The following NBEA variants were observed in gnomAD, a reference collection of about 807,000 sequenced individuals.
NBEA encodes the protein lysosomal-trafficking regulator 2.
Under a neutral mutation model 343.4 loss-of-function variants are expected in NBEA, and 44 were observed. That is an observed-to-expected ratio of 0.13 (90% CI 0.10 to 0.16). The LOEUF (loss-of-function observed/expected upper bound fraction) is 0.16. NBEA is among the 10% of genes least tolerant of loss of function. The pLI, the probability that NBEA is intolerant of heterozygous loss-of-function variation, is 1.00. For missense variants in NBEA, 2,555 were observed against 3,631.3 expected, an observed-to-expected ratio of 0.70 and a Z score of 7.62; for synonymous variants, 1,175 against 1,238.7, an observed-to-expected ratio of 0.95 and a Z score of 1.08.
At chr13:35,385,409 T>A (rs2042199075) in intron 38 of NBEA, among the ~76,000 whole-genome samples, 1 of 152,188 alleles carries the variant, frequency 6.6e-6, no homozygotes, top group African/African-American at 2.4e-5. Context: ...TTATTTAACA[T>A]ACTAGTTGGG....
chr13:35,186,505 A>G (rs1463146941), intron 30 of NBEA: 1 of 152,194 alleles, frequency 6.6e-6, no homozygotes, highest in Non-Finnish European at 1.5e-5. Context: ...TATTTTAACT[A>G]TACAAAATGT....
intron 38 of NBEA, among the ~76,000 whole-genome samples, chr13:35,404,831 A>G (rs972482395): frequency 3.3e-5 from 5 of 152,114 alleles, no homozygotes; most frequent in East Asian, 1.9e-4. Flanking sequence ...AGAGAGAGGA[A>G]TGTCATGTGA....
intron 1 of NBEA, among the ~76,000 whole-genome samples, chr13:34,996,896 C>CAGG (rs1264350316): frequency 6.6e-6 from 1 of 152,056 alleles, no homozygotes; most frequent in Non-Finnish European, 1.5e-5. Context: ...CTCATTGCTC[C>CAGG]ATGGTCACTA....
At chr13:35,224,202 C>T (rs748256351) in intron 33 of NBEA, among the ~76,000 whole-genome samples, 2 of 152,270 alleles carry the variant, frequency 1.3e-5, no homozygotes, top group African/African-American at 2.4e-5. Context: ...AACCTACCTA[C>T]GTAATCTAGG....
chr13:35,505,534 C>T (rs545563109), intron 41 of NBEA, among the ~76,000 whole-genome samples: 9 of 152,108 alleles, frequency 5.9e-5, no homozygotes, highest in Non-Finnish European at 1.2e-4. Context: ...AGCGTAAATA[C>T]GGACTTTTTA....
chr13:35,082,761 G>A (rs527636159), intron 10 of NBEA, among the ~76,000 whole-genome samples: 35 of 152,170 alleles, frequency 2.3e-4, no homozygotes, highest in African/African-American at 8.4e-4. Flanking sequence ...TTTTTGATGG[G>A]GTTGTTTGTT....
chr13:35,429,936 TTC>T (rs1308182011), intron 38 of NBEA, among the ~76,000 whole-genome samples: 1 of 152,086 alleles, frequency 6.6e-6, no homozygotes, highest in Non-Finnish European at 1.5e-5. Flanking sequence ...ATGTGCAAGT[TTC>T]TTTTTTGTAT....
At chr13:35,226,611 T>C (rs373787021) in intron 33 of NBEA, among the ~76,000 whole-genome samples, 1 of 152,102 alleles carries the variant, frequency 6.6e-6, no homozygotes, top group Admixed American at 6.6e-5. Flanking sequence ...AGTTTATATT[T>C]TTATTTCACT....
At chr13:35,008,787 A>C (rs1240968441) in intron 1 of NBEA, among the ~76,000 whole-genome samples, 1 of 152,104 alleles carries the variant, frequency 6.6e-6, no homozygotes, top group Non-Finnish European at 1.5e-5. Flanking sequence ...CCTTCTTTCT[A>C]CTTAATATAT....
chr13:35,178,497 G>C (rs1470682886), intron 28 of NBEA, among the ~76,000 whole-genome samples: 4 of 151,460 alleles, frequency 2.6e-5, no homozygotes, highest in African/African-American at 9.7e-5. Context: ...TATTTTAAGA[G>C]AAAGCAACAG....
chr13:35,344,892 A>G (rs2039786491), intron 36 of NBEA, among the ~76,000 whole-genome samples: 1 of 152,088 alleles, frequency 6.6e-6, no homozygotes, highest in Admixed American at 6.6e-5. Flanking sequence ...CAGATTGTTC[A>G]CTGAGGACTG....
intron 1 of NBEA, among the ~76,000 whole-genome samples, chr13:35,010,741 A>AATATAT (rs869140392): frequency 1.6e-3 from 51 of 31,932 alleles, no homozygotes; most frequent in African/African-American, 4.5e-3. Context: ...AAAAAAAAAA[A>AATATAT]ATATATATAT....
At chr13:35,322,336 C>A (rs2038214633) in intron 36 of NBEA, among the ~76,000 whole-genome samples, 1 of 152,146 alleles carries the variant, frequency 6.6e-6, no homozygotes, top group East Asian at 1.9e-4. Context: ...TCACGGCTTC[C>A]CTTGGCTAGG....
chr13:35,196,022 G>A lies in NBEA; in HGVS notation c.5086G>A (p.Gly1696Ser). The change falls in exon 31 of 59, where the codon GGC becomes AGC. Residue 1696 changes from glycine (G) to serine (S), a missense_variant. By Grantham distance (56) the Gly-to-Ser change is moderately conservative. Transcript: ENST00000379939. ...LNGAELETST[G>S]PDAMSELLST... Reference sequence around the variant, plus strand: ...TGGGGCAGAATTAGAAACAAGTACAGGCCCTGATGCCATGAGTGAACTCTT... The same window carrying A: ...TGGGGCAGAATTAGAAACAAGTACAAGCCCTGATGCCATGAGTGAACTCTT... The A allele has an allele frequency of 6.2e-7, 1 of 1,613,618 alleles. No individual in the cohort carries two copies. Among genetic ancestry groups the A allele is most frequent in the Non-Finnish European group, 8.5e-7 (1 of 1,179,710 alleles).
chr13:35,398,178 T>C (rs1333524052), intron 38 of NBEA, among the ~76,000 whole-genome samples: 3 of 152,146 alleles, frequency 2.0e-5, no homozygotes, highest in Admixed American at 2.0e-4. Flanking sequence ...AAGAAGCAAC[T>C]CCTCATCCTC....
chr13:34,951,750 T>C (rs989079289), intron 1 of NBEA, among the ~76,000 whole-genome samples: 1 of 152,186 alleles, frequency 6.6e-6, no homozygotes, highest in Non-Finnish European at 1.5e-5. Context: ...TTCCATCTCT[T>C]CTCTCACAGG....
intron 17 of NBEA, among the ~76,000 whole-genome samples, chr13:35,133,261 C>G (rs1384420725): frequency 6.6e-6 from 1 of 152,032 alleles, no homozygotes; most frequent in Non-Finnish European, 1.5e-5. Context: ...GTGATATACT[C>G]AACTTCAGTA....
rs1210154129 is a variant in NBEA, at chr13:35,283,420, A to G, written c.5777-6969A>G. On this transcript the variant is annotated intron_variant, in intron 34 of 58. Coordinates refer to ENST00000379939, the MANE Select transcript of NBEA (RefSeq NM_001385012.1). ...CTTAGTCAACCATTCTCATGTGGAA[A>G]TTGATTTCAGTTCTTCCAAATATCT... 2.0e-5 allele frequency among the ~76,000 whole-genome samples: 3 copies of G among 152,290 alleles called. No homozygotes were observed. The East Asian group carries it at 5.8e-4, about 29-fold the overall frequency.
chr13:35,398,067 G>A (rs973626695), intron 38 of NBEA, among the ~76,000 whole-genome samples: 2 of 152,100 alleles, frequency 1.3e-5, no homozygotes, highest in Non-Finnish European at 2.9e-5. Context: ...TATCAATTAA[G>A]TTTGTGGAAT....
Sources: gnomAD v4.1 joint callset for allele counts (sites outside exome capture counted in the v4.1 genomes callset) on GRCh38, gnomAD v4.1.1 for gene constraint, MANE v1.5 for transcripts, NCBI Gene and HGNC (gene_info 2026-07-23, HGNC 2026-07-21) for gene names.